Variants in SLC25A26 observed in about 807,000 individuals in gnomAD.
The protein encoded by SLC25A26 is mitochondrial S-adenosylmethionine carrier protein.
SLC25A26 carries 36 observed loss-of-function variants against 37.8 expected under a neutral mutation model. That is an observed-to-expected ratio of 0.95 (90% CI 0.73 to 1.26). The LOEUF (loss-of-function observed/expected upper bound fraction) is 1.26. Ranked by LOEUF, SLC25A26 falls within the 50% of genes most tolerant of loss-of-function variation. The probability of loss-of-function intolerance (pLI) is 0.00; values close to 1 mark genes in which losing one functional copy is unlikely to be tolerated. For missense variants in SLC25A26, 390 were observed against 331.1 expected (o/e 1.18, Z -1.38); for synonymous variants, 129 against 122.5 (o/e 1.05, Z -0.35).
At chr3:66,137,644 T>C (rs2069967062) in intron 1 of SLC25A26, among the ~76,000 whole-genome samples, 1 of 152,108 alleles carries the variant, frequency 6.6e-6, no homozygotes, top group Admixed American at 6.6e-5. Flanking sequence ...CCTAAGACAC[T>C]CATAGAGTCA....
At chr3:66,163,490 A>G (rs759967734) in intron 1 of SLC25A26, among the ~76,000 whole-genome samples, 5 of 152,188 alleles carry the variant, frequency 3.3e-5, no homozygotes, top group Non-Finnish European at 4.4e-5. Context: ...TGACAAGATC[A>G]CATTTATTTC....
chr3:66,377,621 C>CT, intron 9 of SLC25A26, 69 bp from the exon 10 acceptor site: 1 of 1,235,948 alleles, frequency 8.1e-7, no homozygotes, highest in African/African-American at 1.5e-5. Context: ...GCTGAGCAAG[C>CT]TGTGGGTATT....
chr3:66,192,817 A>AATGCC (rs2070971490), intron 1 of SLC25A26, among the ~76,000 whole-genome samples: 2 of 152,220 alleles, frequency 1.3e-5, no homozygotes, highest in African/African-American at 2.4e-5. Context: ...AAAATATGTA[A>AATGCC]ATGCCTTTGG....
chr3:66,230,542 G>A (rs932007441), intron 1 of SLC25A26, among the ~76,000 whole-genome samples: 4 of 152,080 alleles, frequency 2.6e-5, no homozygotes, highest in Admixed American at 6.6e-5. Context: ...GGTGGCTTAT[G>A]CCTGTAATCC....
chr3:66,219,349 C>T (rs1324158127), upstream of SLC25A26, among the ~76,000 whole-genome samples: 1 of 152,130 alleles, frequency 6.6e-6, no homozygotes, highest in Non-Finnish European at 1.5e-5. Context: ...AACATTACCA[C>T]CATGATTATG....
chr3:66,356,088 A>C (rs1434578388), intron 6 of SLC25A26: 1 of 456,202 alleles, frequency 2.2e-6, no homozygotes, highest in African/African-American at 2.0e-5. Context: ...CCAAGTTGTA[A>C]GTATTTGTTC....
At chr3:66,304,119 A>T (rs553283222) in intron 5 of SLC25A26, among the ~76,000 whole-genome samples, 28 of 152,322 alleles carry the variant, frequency 1.8e-4, no homozygotes, top group African/African-American at 6.0e-4. Flanking sequence ...ATCCACGATA[A>T]TTTCCCTCTT....
At chr3:66,200,648 C>T (rs2071097239) in intron 1 of SLC25A26, among the ~76,000 whole-genome samples, 1 of 152,144 alleles carries the variant, frequency 6.6e-6, no homozygotes, top group Non-Finnish European at 1.5e-5. Context: ...TGGTCTCCCA[C>T]AGAAGAAAGC....
intron 1 of SLC25A26, among the ~76,000 whole-genome samples, chr3:66,213,730 T>C (rs902479565): frequency 2.0e-5 from 3 of 152,100 alleles, no homozygotes. Context: ...TCCACCCTTA[T>C]AGCATCATAC....
intron 5 of SLC25A26, among the ~76,000 whole-genome samples, chr3:66,294,996 A>G (rs141023314): frequency 1.3e-3 from 193 of 152,370 alleles, no homozygotes; most frequent in African/African-American, 4.1e-3. Context: ...GCTGTTCTTT[A>G]TATTAAAATA....
At chr3:66,246,168 T>C (rs115614786) in intron 3 of SLC25A26, among the ~76,000 whole-genome samples, 130 of 152,332 alleles carry the variant, frequency 8.5e-4, no homozygotes, top group African/African-American at 2.9e-3. Context: ...TTAAAATTAA[T>C]TTAGGTGATT....
chr3:66,219,200 C>T (rs909327461), upstream of SLC25A26, among the ~76,000 whole-genome samples: 4 of 152,102 alleles, frequency 2.6e-5, no homozygotes, highest in East Asian at 1.9e-4. Context: ...AACTTGATGG[C>T]CTTTGAGGAG....
At chr3:66,139,817 G>T (rs35029378) in intron 1 of SLC25A26, among the ~76,000 whole-genome samples, 14,744 of 152,160 alleles carry the variant, frequency 0.097, 1,071 homozygotes, top group Non-Finnish European at 0.14. Context: ...GCAAATTATT[G>T]CAGGCAGTAA....
intron 1 of SLC25A26, among the ~76,000 whole-genome samples, chr3:66,231,844 T>G (rs2072047876): frequency 2.0e-5 from 3 of 150,790 alleles, no homozygotes; most frequent in Non-Finnish European, 1.5e-5. Flanking sequence ...TGATCATAGC[T>G]TACTGCAACC....
chr3:66,192,383 C>A (rs1007635771), intron 1 of SLC25A26, among the ~76,000 whole-genome samples: 1 of 150,320 alleles, frequency 6.7e-6, no homozygotes, highest in African/African-American at 2.5e-5. Flanking sequence ...CTCCAGCATG[C>A]GAGGGTATGA....
chr3:66,228,523 A>C (rs782087504), intron 1 of SLC25A26, among the ~76,000 whole-genome samples: 3 of 152,148 alleles, frequency 2.0e-5, no homozygotes, highest in Non-Finnish European at 4.4e-5. Context: ...CACCTCCCCA[A>C]ATCAGGTGTC....
At position 66,345,739 on chromosome 3, in the gene SLC25A26, G is replaced by A. The variant is rs142090857; in HGVS notation, c.454-625G>A. ...AAATCCTAACACTGCCTGCTAAGGA[G>A]TAGACAGCCTTGGCTCTTAAGCACA... is the stretch of plus-strand genomic sequence containing the variant. On this transcript the variant is annotated intron_variant, in intron 5 of 9. Transcript: ENST00000354883. 1.9e-3 allele frequency among the ~76,000 whole-genome samples: 291 copies of A among 152,258 alleles called. 4 individuals are homozygous for A. The highest frequency in any genetic ancestry group is 5.2e-3 in the East Asian group (27 of 5,172).
chr3:66,259,442 T>G (rs954575517), intron 3 of SLC25A26, among the ~76,000 whole-genome samples: 1 of 152,164 alleles, frequency 6.6e-6, no homozygotes, highest in African/African-American at 2.4e-5. Flanking sequence ...CAACTCAGCC[T>G]TGCCTAGTCT....
At chr3:66,316,010 G>C (rs1413043550) in intron 5 of SLC25A26, among the ~76,000 whole-genome samples, 1 of 152,092 alleles carries the variant, frequency 6.6e-6, no homozygotes, top group Non-Finnish European at 1.5e-5. Context: ...GTGTGTCTTT[G>C]CATGTGAGAT....
Sources: allele counts gnomAD v4.1 joint callset (sites outside exome capture counted in the v4.1 genomes callset), GRCh38; gene constraint gnomAD v4.1.1; transcripts MANE v1.5; gene names NCBI Gene and HGNC (gene_info 2026-07-23, HGNC 2026-07-21).